Variants in DISC1 observed in about 807,000 individuals in gnomAD.
DISC1 encodes disrupted in schizophrenia 1 protein.
In DISC1, 57 loss-of-function variants were observed where a neutral mutation model predicts 84.5. The ratio of observed to expected loss-of-function variants is 0.67; its 90% CI spans 0.55 to 0.84. DISC1 has a LOEUF of 0.84. DISC1 is among the 40% of genes least tolerant of loss of function. The probability of loss-of-function intolerance (pLI) is 0.00; values close to 1 mark genes in which losing one functional copy is unlikely to be tolerated. For missense variants in DISC1, 1,000 were observed against 1,057.8 expected (o/e 0.95, Z 0.76); for synonymous variants, 411 against 415.2 (o/e 0.99, Z 0.12).
At position 231,694,582 on chromosome 1, in the gene DISC1, C is replaced by T. The variant is rs763492083; in HGVS notation, c.824C>T (p.Ala275Val). Residue 275 changes from alanine to valine, a missense_variant, in exon 2 of 13, where the codon GCA becomes GTA. This residue lies in a region of DISC1 where 311 missense variants were observed against 400.1 expected (regional missense o/e 0.78). Transcript: ENST00000439617. ...PFSLLATRVS[A>V]DLAQAARNSS... ...AGTCTCTTGGCTACACGGGTCTCTG[C>T]AGACTTGGCCCAGGCCGCAAGGAAC... is the stretch of plus-strand genomic sequence containing the variant. The T allele has an allele frequency of 1.2e-6, 2 of 1,614,240 alleles. No individual in the cohort carries two copies. Among genetic ancestry groups the T allele is most frequent in the South Asian group, 2.2e-5 (2 of 91,088 alleles).
At chr1:231,886,780 T>C (rs1282769260) in intron 9 of DISC1, among the ~76,000 whole-genome samples, 1 of 124,678 alleles carries the variant, frequency 8.0e-6, no homozygotes, top group African/African-American at 2.9e-5. Context: ...TCTTTCTTTC[T>C]TTCTTTCTTT....
Position 232,009,555 on chromosome 1 carries a change from C to T in DISC1, c.2307+506C>T. ...ATCCCATTAATTGTTTTTACCAAAA[C>T]CAGATCATAATGAATGTTTATAATG... On this transcript the variant is annotated intron_variant, in intron 11 of 12. Transcript: ENST00000439617. This position sits in a 1 kb window ranked among gnomAD's most constrained non-coding sequence, Gnocchi z 4.6. The T allele has an allele frequency of 1.1e-6, 1 of 915,574 alleles. No individual in the cohort carries two copies. The highest frequency in any genetic ancestry group is 1.3e-6 in the Non-Finnish European group (1 of 766,804). 56.7% of individuals were successfully genotyped at this position (915,574 alleles called of 1,614,324 possible).
intron 1 of DISC1, among the ~76,000 whole-genome samples, chr1:231,659,337 C>CA: frequency 6.6e-6 from 1 of 152,084 alleles, no homozygotes; most frequent in Non-Finnish European, 1.5e-5. Flanking sequence ...TCTCCCTTAA[C>CA]ATTTTCTATT....
chr1:231,740,603 C>G (rs1573424214), intron 3 of DISC1, among the ~76,000 whole-genome samples: 1 of 152,196 alleles, frequency 6.6e-6, no homozygotes, highest in East Asian at 1.9e-4. Context: ...TTTTGTATTA[C>G]AGGTTGAGTA....
At chr1:231,703,152 T>C (rs2124912878) in intron 3 of DISC1, among the ~76,000 whole-genome samples, 1 of 152,288 alleles carries the variant, frequency 6.6e-6, no homozygotes, top group Non-Finnish European at 1.5e-5. Context: ...TCATTACCTA[T>C]CCATTGCAGT....
At chr1:231,816,751 C>T (rs999250049) in intron 8 of DISC1, among the ~76,000 whole-genome samples, 4 of 152,112 alleles carry the variant, frequency 2.6e-5, no homozygotes, top group African/African-American at 4.8e-5. Flanking sequence ...TCTATTCCAT[C>T]GATCTGTTTG....
chr1:231,936,668 G>A (rs1296722064), intron 9 of DISC1, among the ~76,000 whole-genome samples: 3 of 152,144 alleles, frequency 2.0e-5, no homozygotes. Flanking sequence ...TTGTCACATG[G>A]TGACAGCTTA....
At chr1:231,780,254 A>AAGG (rs1407194682) in intron 6 of DISC1, among the ~76,000 whole-genome samples, 1 of 150,630 alleles carries the variant, frequency 6.6e-6, no homozygotes, top group Non-Finnish European at 1.5e-5. Flanking sequence ...AAAAAAAAGA[A>AAGG]AAGGAAAGAA....
intron 10 of DISC1, among the ~76,000 whole-genome samples, chr1:231,986,833 G>A (rs902206736): frequency 6.6e-5 from 10 of 152,258 alleles, no homozygotes; most frequent in African/African-American, 2.4e-4. Flanking sequence ...AAAGTTTGGT[G>A]TCTCATTCAA....
At chr1:231,799,601 A>C (rs986723894) in intron 7 of DISC1, among the ~76,000 whole-genome samples, 7 of 151,856 alleles carry the variant, frequency 4.6e-5, no homozygotes, top group Middle Eastern at 3.2e-3. Flanking sequence ...GCAGTCTGGA[A>C]GGGTATGAGT....
chr1:231,870,753 T>G (rs2085399302), intron 9 of DISC1, among the ~76,000 whole-genome samples: 1 of 152,238 alleles, frequency 6.6e-6, no homozygotes, highest in Non-Finnish European at 1.5e-5. Flanking sequence ...AAACTCTGTT[T>G]TTAGAGATTA....
chr1:231,753,510 C>A (rs564063620), intron 4 of DISC1, among the ~76,000 whole-genome samples: 136 of 152,336 alleles, frequency 8.9e-4, no homozygotes, highest in African/African-American at 3.2e-3. Flanking sequence ...GGGGCTGGCC[C>A]ATGAAACCAT....
chr1:232,020,801 T>A (rs1377313489), intron 11 of DISC1, among the ~76,000 whole-genome samples: 1 of 152,244 alleles, frequency 6.6e-6, no homozygotes, highest in Non-Finnish European at 1.5e-5. Context: ...TAGCTTTCTA[T>A]GAAGGCTTAG....
intron 6 of DISC1, among the ~76,000 whole-genome samples, chr1:231,790,901 G>T (rs1192934290): frequency 1.3e-5 from 2 of 152,156 alleles, no homozygotes; most frequent in Non-Finnish European, 2.9e-5. Context: ...ATTACCTATT[G>T]AAAAGCCCTA....
At chr1:231,985,866 G>A (rs906506170) in intron 10 of DISC1, among the ~76,000 whole-genome samples, 1 of 152,130 alleles carries the variant, frequency 6.6e-6, no homozygotes, top group Admixed American at 6.6e-5. Context: ...GCTATGTTTG[G>A]TTTCAGTGTA....
Position 232,031,292 on chromosome 1 carries a change from G to A in DISC1, c.2425+4740G>A, listed in dbSNP as rs1003951054. 7.1e-6 allele frequency among the ~76,000 whole-genome samples: 1 copy of A among 141,440 alleles called. No homozygotes were observed. Among genetic ancestry groups the A allele is most frequent in the Non-Finnish European group, 1.6e-5 (1 of 63,586 alleles). 92.8% of individuals were successfully genotyped at this position (141,440 alleles called of 152,430 possible). ...AAAGAAAGAAAAAGAAAGAAAAGAG[G>A]AAGGAAGGAAGGAGAGAGGGAAGGA... is the stretch of plus-strand genomic sequence containing the variant. On this transcript the variant is annotated intron_variant, in intron 12 of 12. Transcript: ENST00000439617. This position sits in a 1 kb window ranked among gnomAD's most constrained non-coding sequence, Gnocchi z 4.6.
At chr1:231,687,568 G>A (rs1318254226) in intron 1 of DISC1, among the ~76,000 whole-genome samples, 1 of 152,062 alleles carries the variant, frequency 6.6e-6, no homozygotes, top group East Asian at 1.9e-4. Context: ...ATTTGGGTGG[G>A]GACACAGCCA....
At chr1:231,872,651 C>T (rs2125958144) in intron 9 of DISC1, among the ~76,000 whole-genome samples, 1 of 152,046 alleles carries the variant, frequency 6.6e-6, no homozygotes, top group East Asian at 1.9e-4. Flanking sequence ...CTTTGTGTCC[C>T]TCTTTCCATC....
Position 231,694,051 on chromosome 1 carries a change from C to T in DISC1, c.293C>T (p.Pro98Leu). 3.1e-6 allele frequency: 5 copies of T among 1,614,210 alleles called. No individual in the cohort carries two copies. Among genetic ancestry groups the T allele is most frequent in the Non-Finnish European group, 4.2e-6 (5 of 1,180,024 alleles). The change falls in exon 2 of 13, where the codon CCT (proline) becomes CTT (leucine). Residue 98 changes from proline to leucine, a missense_variant. Physicochemically the swap from Pro to Leu is moderately conservative, Grantham distance 98. This residue lies in a region of DISC1 where 292 missense variants were observed against 280.2 expected (regional missense o/e 1.04). Coordinates refer to ENST00000439617, the MANE Select transcript of DISC1 (RefSeq NM_018662.3). ...TCGAGAGGCCTCTTGGTCCGGAGCC[C>T]TGTTTCCAAGAGTGCAGCAGCCCCT... ...LDSRGLLVRS[P>L]VSKSAAAPTV...
Sources: gnomAD v4.1 joint callset for allele counts (sites outside exome capture counted in the v4.1 genomes callset) on GRCh38, gnomAD v4.1.1 for gene constraint, gnomAD v4.1.1 regional missense constraint, Gnocchi (gnomAD v3.1) non-coding constraint, MANE v1.5 for transcripts, NCBI Gene and HGNC (gene_info 2026-07-23, HGNC 2026-07-21) for gene names.